The following SNRPN variants were observed in gnomAD, a reference collection of about 807,000 sequenced individuals.
SNRPN encodes small nuclear ribonucleoprotein-associated protein N.
SNRPN carries 7 observed loss-of-function variants against 25.2 expected under a neutral mutation model. The observed-to-expected ratio is 0.28, with a 90% CI of 0.16 to 0.52. The LOEUF is 0.52. SNRPN is among the 20% of genes least tolerant of loss of function. The pLI is 0.96. For missense variants in SNRPN, 196 were observed against 322.5 expected (o/e 0.61, Z 3.00); for synonymous variants, 124 against 110.6 (o/e 1.12, Z -0.76).
At chr15:24,972,678 A>T (rs2076575096) in intron 3 of SNRPN, among the ~76,000 whole-genome samples, 2 of 151,284 alleles carry the variant, frequency 1.3e-5, no homozygotes, top group African/African-American at 4.9e-5. Flanking sequence ...AATTAGTATG[A>T]TAAGCACTTC....
At chr15:24,878,494 T>G (rs2056224051) in intron 1 of SNRPN, among the ~76,000 whole-genome samples, 1 of 152,230 alleles carries the variant, frequency 6.6e-6, no homozygotes, top group Admixed American at 6.5e-5. Flanking sequence ...GCCCCGAGGG[T>G]CTGTTCCGCT....
At chr15:24,967,313 C>G (rs1034898183) in intron 2 of SNRPN, 1 of 152,940 alleles carries the variant, frequency 6.5e-6, no homozygotes, top group East Asian at 1.9e-4. Flanking sequence ...GTTATAATTT[C>G]TCATAAGATA....
intron 2 of SNRPN, among the ~76,000 whole-genome samples, chr15:24,966,014 G>A (rs2075576902): frequency 1.3e-5 from 2 of 152,110 alleles, no homozygotes; most frequent in Admixed American, 1.3e-4. Flanking sequence ...AGAGTATAAA[G>A]TAGACTATGA....
intron 1 of SNRPN, among the ~76,000 whole-genome samples, chr15:24,858,753 A>C (rs754713475): frequency 6.6e-6 from 1 of 152,152 alleles, no homozygotes; most frequent in Non-Finnish European, 1.5e-5. Context: ...GTGAGTCAAC[A>C]TCGAGCCACT....
chr15:24,877,005 C>CTCA (rs1287993071), intron 1 of SNRPN, among the ~76,000 whole-genome samples: 2 of 152,074 alleles, frequency 1.3e-5, no homozygotes, highest in Admixed American at 1.3e-4. Flanking sequence ...CTAGGGTGTG[C>CTCA]TCACTTAGGA....
intron 2 of SNRPN, among the ~76,000 whole-genome samples, chr15:24,966,418 C>G (rs1177266608): frequency 1.3e-5 from 2 of 152,164 alleles, no homozygotes; most frequent in Non-Finnish European, 2.9e-5. Context: ...CTCACCAGAA[C>G]TCCAGATGTC....
At chr15:24,861,384 T>C (rs1003271165) in intron 1 of SNRPN, among the ~76,000 whole-genome samples, 1 of 152,160 alleles carries the variant, frequency 6.6e-6, no homozygotes, top group African/African-American at 2.4e-5. Context: ...ATGTAACCTA[T>C]CTAAACATAG....
At chr15:24,921,426 G>T (rs1391776232) in intron 3 of SNRPN, among the ~76,000 whole-genome samples, 1 of 152,140 alleles carries the variant, frequency 6.6e-6, no homozygotes, top group Non-Finnish European at 1.5e-5. Flanking sequence ...TCTTCCTTCT[G>T]TTCATATAAA....
intron 2 of SNRPN, among the ~76,000 whole-genome samples, chr15:24,916,978 A>G (rs963931606): frequency 1.3e-4 from 20 of 152,146 alleles, no homozygotes; most frequent in African/African-American, 4.3e-4. Flanking sequence ...GCCAGCTTTT[A>G]TTCCTTATTT....
chr15:24,962,271 A>T (rs1318070419), intron 2 of SNRPN, 62 bp downstream of exon 2: 20 of 1,276,050 alleles, frequency 1.6e-5, no homozygotes, highest in Non-Finnish European at 1.9e-5. Context: ...TTAGAACAAA[A>T]TATCATGCAA....
intron 2 of SNRPN, among the ~76,000 whole-genome samples, chr15:24,846,392 A>C (rs1031351082): frequency 1.3e-5 from 2 of 152,164 alleles, no homozygotes; most frequent in Non-Finnish European, 2.9e-5. Flanking sequence ...ATACATTGCT[A>C]CTTGTGAGGG....
intron 1 of SNRPN, among the ~76,000 whole-genome samples, chr15:24,863,476 C>T (rs1443034844): frequency 2.7e-5 from 4 of 150,288 alleles, no homozygotes; most frequent in Admixed American, 6.6e-5. Context: ...TCTGTGTCTG[C>T]GTGTCCTCTC....
chr15:24,975,637 T>C, intron 5 of SNRPN, 128 bp downstream of exon 5: 1 of 737,374 alleles, frequency 1.4e-6, no homozygotes, highest in East Asian at 2.5e-5. Context: ...CAGTCTATTG[T>C]TTAACCTCTT....
chr15:24,948,208 G>A (rs1218908974), intron 3 of SNRPN, among the ~76,000 whole-genome samples: 1 of 152,128 alleles, frequency 6.6e-6, no homozygotes, highest in Non-Finnish European at 1.5e-5. Context: ...CCAGCTCCCA[G>A]GTTCGAGTGA....
rs145931614 is a variant in SNRPN, at chr15:24,899,114, G to A, written c.-505+12525G>A. Among the ~76,000 whole-genome samples, 21 of 152,260 alleles carry A rather than the reference G, an allele frequency of 1.4e-4. No homozygotes were observed. The East Asian group carries it at 3.9e-3, about 28-fold the overall frequency. On this transcript the variant is annotated intron_variant, in intron 2 of 11. Transcript: ENST00000400097. The stretch of plus-strand genomic sequence containing the variant: ...GTTTTAGACCCTGGACCCCAGACAC[G>A]TTCCAAGACTCTTTTACATTATGTC...
upstream of SNRPN, among the ~76,000 whole-genome samples, chr15:24,853,832 A>G (rs1418602412): frequency 2.0e-5 from 3 of 152,126 alleles, no homozygotes; most frequent in Non-Finnish European, 4.4e-5. Context: ...AGATTCTTCC[A>G]CTGTTAAATT....
At chr15:24,927,270 G>C (rs866081394) in intron 3 of SNRPN, among the ~76,000 whole-genome samples, 7 of 151,784 alleles carry the variant, frequency 4.6e-5, no homozygotes, top group Non-Finnish European at 8.8e-5. Flanking sequence ...ACAGTCATAT[G>C]CTACCGTACC....
At chr15:24,930,057 G>C (rs1392144733) in intron 3 of SNRPN, among the ~76,000 whole-genome samples, 1 of 151,956 alleles carries the variant, frequency 6.6e-6, no homozygotes, top group Non-Finnish European at 1.5e-5. Context: ...CGTGGTGGCA[G>C]GTGCCTGTAG....
intron 7 of SNRPN, 105 bp downstream of exon 7, chr15:24,977,134 A>C: frequency 2.2e-6 from 2 of 918,196 alleles, no homozygotes; most frequent in Non-Finnish European, 3.1e-6. Context: ...TGTAAACAGC[A>C]TATGGTTTAG....
Sources: gnomAD v4.1 joint callset for allele counts (sites outside exome capture counted in the v4.1 genomes callset) on GRCh38, gnomAD v4.1.1 for gene constraint, MANE v1.5 for transcripts, NCBI Gene and HGNC (gene_info 2026-07-23, HGNC 2026-07-21) for gene names.